DNM1: variants seen among roughly 807,000 people sequenced by gnomAD.
DNM1 encodes dynamin 1, also known as dynamin-1.
DNM1 carries 29 observed loss-of-function variants against 104.6 expected under a neutral mutation model. That is an observed-to-expected ratio of 0.28 (90% CI 0.21 to 0.38). The LOEUF is 0.38. Ranked by LOEUF, DNM1 falls within the 10% of genes least tolerant of loss-of-function variation. DNM1 has a pLI of 1.00. For synonymous variants in DNM1, 445 were observed against 475.8 expected (o/e 0.94, Z 0.84); for missense variants, 640 against 1,189.4 (o/e 0.54, Z 6.79).
chr9:128,226,742 T>C (rs938178902), intron 10 of DNM1, among the ~76,000 whole-genome samples: 9 of 152,222 alleles, frequency 5.9e-5, no homozygotes, highest in Non-Finnish European at 1.0e-4. Flanking sequence ...CGGTCTCTTT[T>C]GAGTTGTCTG....
At chr9:128,229,423 C>G (rs1031893709) in intron 10 of DNM1, among the ~76,000 whole-genome samples, 1 of 151,118 alleles carries the variant, frequency 6.6e-6, no homozygotes, top group African/African-American at 2.4e-5. Context: ...ATAGTAAGAC[C>G]CTGTCTCTAC....
At chr9:128,230,313 A>G (rs555212471) in intron 10 of DNM1, among the ~76,000 whole-genome samples, 1 of 151,648 alleles carries the variant, frequency 6.6e-6, no homozygotes, top group East Asian at 1.9e-4. Flanking sequence ...CAGGTTTCAG[A>G]AAAGAACGTA....
intron 1 of DNM1, among the ~76,000 whole-genome samples, chr9:128,214,444 G>A (rs914027159): frequency 4.6e-5 from 7 of 152,118 alleles, no homozygotes; most frequent in African/African-American, 1.2e-4. Flanking sequence ...AAGAATGACC[G>A]GCACTGGGTG....
Position 128,218,756 on chromosome 9 carries a change from C to T in DNM1, c.385+25C>T. The T allele has an allele frequency of 6.4e-7, 1 of 1,571,024 alleles. No homozygotes were observed. Among genetic ancestry groups the T allele is most frequent in the South Asian group, 1.1e-5 (1 of 87,416 alleles). Reference sequence around the variant, plus strand: ...GGTGAGGACCCTGGCCCCGCCCTAACCTCTAAGAATCATTTTCTTGGCCAC... The same window carrying T: ...GGTGAGGACCCTGGCCCCGCCCTAATCTCTAAGAATCATTTTCTTGGCCAC... On this transcript the variant is annotated intron_variant, in intron 3 of 21. Transcript: ENST00000372923. The surrounding 1 kb of genome is among the most constrained non-coding windows in gnomAD (Gnocchi z 4.8).
intron 10 of DNM1, among the ~76,000 whole-genome samples, chr9:128,226,901 AG>A: frequency 6.6e-6 from 1 of 151,834 alleles, no homozygotes; most frequent in Non-Finnish European, 1.5e-5. Context: ...CAGAGGTGCC[AG>A]GGGTGAGCCC....
At chr9:128,232,174 C>T (rs767678081) in intron 10 of DNM1, 37 of 399,220 alleles carry the variant, frequency 9.3e-5, no homozygotes, top group Non-Finnish European at 1.3e-4. Flanking sequence ...CCCTCCTCCT[C>T]CCTCCTTCTC....
At chr9:128,216,578 A>G (rs555201496) in intron 1 of DNM1, among the ~76,000 whole-genome samples, 1 of 152,300 alleles carries the variant, frequency 6.6e-6, no homozygotes, top group East Asian at 1.9e-4. Flanking sequence ...ATGAATATAC[A>G]CAGGGCTTAC....
rs1017611451 is a variant in DNM1, at chr9:128,205,038, G to A, written c.161+1407G>A. ...GACTGGAGCCATGTGTGTGTGGGACGTTGGAAGGCCACCGTGGGGGCGGCC... is the reference window on the plus strand; with the variant it reads ...GACTGGAGCCATGTGTGTGTGGGACATTGGAAGGCCACCGTGGGGGCGGCC... On this transcript the variant is annotated intron_variant, in intron 1 of 21. Coordinates refer to ENST00000372923, the MANE Select transcript of DNM1 (RefSeq NM_004408.4). Among the ~76,000 whole-genome samples, 6 of 152,136 alleles carry A rather than the reference G, an allele frequency of 3.9e-5. No individual in the cohort carries two copies. The East Asian group carries it at 5.8e-4, about 15-fold the overall frequency.
Position 128,253,908 on chromosome 9 carries a change from C to A in DNM1, c.2535-746C>A. Reference sequence around the variant, plus strand: ...CCTAGGGTCACTTGTGCCATTCAGCCAAGGGGACGACCGTGCCTGCTGGCC... The same window carrying A: ...CCTAGGGTCACTTGTGCCATTCAGCAAAGGGGACGACCGTGCCTGCTGGCC... On this transcript the variant is annotated intron_variant, in intron 21 of 21. Transcript: ENST00000372923. The surrounding 1 kb of genome is among the most constrained non-coding windows in gnomAD (Gnocchi z 5.9). The A allele has an allele frequency of 8.1e-7, 1 of 1,231,530 alleles. No individual in the cohort carries two copies. Among genetic ancestry groups the A allele is most frequent in the Non-Finnish European group, 1.0e-6 (1 of 987,820 alleles). 76.3% of individuals were successfully genotyped at this position (1,231,530 alleles called of 1,614,324 possible). A position where few individuals can be genotyped will look rare whatever the true frequency, so the allele number is the denominator to read the frequency against.
intron 11 of DNM1, among the ~76,000 whole-genome samples, chr9:128,237,496 T>G (rs1266712770): frequency 6.6e-6 from 1 of 152,084 alleles, no homozygotes; most frequent in Non-Finnish European, 1.5e-5. Flanking sequence ...TGTGAACTTG[T>G]GACCTCAAGC....
chr9:128,252,795 T>C, intron 21 of DNM1: 3 of 640,714 alleles, frequency 4.7e-6, no homozygotes, highest in South Asian at 4.5e-5. Flanking sequence ...AATGCCTCTG[T>C]GTGCGGGTGA....
chr9:128,246,474 T>C lies in DNM1; in HGVS notation c.1752T>C (p.His584=). ...AGAAGGGCTTTATGTCGAGCAAGCA[T>C]ATCTTTGCCCTCTTTAACACGGAGC... ...DVEKGFMSSK[H]IFALFNTEQR... Residue 584 remains histidine, a synonymous_variant, in exon 16 of 22, where the codon CAT becomes CAC. Coordinates refer to ENST00000372923, the MANE Select transcript of DNM1 (RefSeq NM_004408.4). The C allele has an allele frequency of 1.9e-6, 3 of 1,614,070 alleles. 1 individual carries two copies. Among genetic ancestry groups the C allele is most frequent in the South Asian group, 2.2e-5 (2 of 91,080 alleles).
At chr9:128,236,313 C>A (rs990541061) in intron 11 of DNM1, among the ~76,000 whole-genome samples, 2 of 152,182 alleles carry the variant, frequency 1.3e-5, no homozygotes, top group Non-Finnish European at 2.9e-5. Context: ...TCTGTTGTAG[C>A]CCCCTCTGGC....
At chr9:128,231,217 T>TTC (rs1554777861) in intron 10 of DNM1, among the ~76,000 whole-genome samples, 4 of 146,222 alleles carry the variant, frequency 2.7e-5, no homozygotes, top group African/African-American at 1.1e-4. Context: ...TTTTTTTTTT[T>TTC]TGGAGACAGA....
intron 10 of DNM1, among the ~76,000 whole-genome samples, chr9:128,229,052 A>G (rs1256340522): frequency 1.3e-5 from 2 of 152,134 alleles, no homozygotes; most frequent in Non-Finnish European, 2.9e-5. Flanking sequence ...CAATAGGAAA[A>G]TGGTTAAGTA....
chr9:128,250,916 A>T lies in DNM1; in HGVS notation c.2510A>T (p.Asn837Ile), dbSNP rs1205305266. 1 of 1,375,482 alleles carries T rather than the reference A, an allele frequency of 7.3e-7. No homozygotes were observed. Among genetic ancestry groups the T allele is most frequent in the Admixed American group, 3.3e-5 (1 of 30,680 alleles). 85.2% of individuals were successfully genotyped at this position (1,375,482 alleles called of 1,614,324 possible). ...GPPPQVPSRP[N>I]RAPPGVPSRS... is the part of the protein sequence containing the mutation. ...CCCCCTCAGGTGCCCTCGCGCCCCA[A>T]CCGCGCCCCGCCCGGGGTCCCCAGG... Residue 837 changes from asparagine to isoleucine, a missense_variant, in exon 21 of 22, where the codon AAC becomes ATC. By Grantham distance (149) the Asn-to-Ile change is moderately radical (BLOSUM62 -3). Coordinates refer to ENST00000372923, the MANE Select transcript of DNM1 (RefSeq NM_004408.4).
At chr9:128,226,343 A>G (rs1399905852) in intron 10 of DNM1, among the ~76,000 whole-genome samples, 3 of 152,188 alleles carry the variant, frequency 2.0e-5, no homozygotes, top group Non-Finnish European at 4.4e-5. Flanking sequence ...TGACCCCTCC[A>G]GGCCCCCATC....
chr9:128,226,022 T>A (rs1835321548), intron 10 of DNM1: 5 of 1,611,622 alleles, frequency 3.1e-6, no homozygotes, highest in Non-Finnish European at 4.2e-6. Flanking sequence ...CCCCACCTCC[T>A]CCCCGGGTGC....
intron 9 of DNM1, chr9:128,223,489 C>T (rs1835142870): frequency 6.6e-6 from 1 of 152,394 alleles, no homozygotes; most frequent in Non-Finnish European, 1.5e-5. Flanking sequence ...TGAACAAGAC[C>T]CAGTGTCCCC....
Sources: allele counts gnomAD v4.1 joint callset (sites outside exome capture counted in the v4.1 genomes callset), GRCh38; gene constraint gnomAD v4.1.1; non-coding constraint Gnocchi (gnomAD v3.1); transcripts MANE v1.5; gene names NCBI Gene and HGNC (gene_info 2026-07-23, HGNC 2026-07-21).